The following SIPA1L3 variants were observed in gnomAD, a reference collection of about 807,000 sequenced individuals.
SIPA1L3 encodes the protein signal induced proliferation associated 1 like 3.
In SIPA1L3, 59 loss-of-function variants were observed where a neutral mutation model predicts 150.1. The observed-to-expected ratio is 0.39, with a 90% CI of 0.32 to 0.49. The LOEUF is 0.49. Among genes scored for constraint, SIPA1L3 ranks in the 20% least tolerant of loss-of-function variants. The pLI is 0.86. For synonymous variants in SIPA1L3, 1,070 were observed against 1,077.6 expected, an observed-to-expected ratio of 0.99 and a Z score of 0.14; for missense variants, 2,211 against 2,489.5, an observed-to-expected ratio of 0.89 and a Z score of 2.38.
rs371938490 is a variant in SIPA1L3, at chr19:38,106,621, C to G, written c.2114C>G (p.Thr705Ser). The G allele has an allele frequency of 1.5e-5, 24 of 1,612,334 alleles. No individual in the cohort carries two copies. Among genetic ancestry groups the G allele is most frequent in the Non-Finnish European group, 1.7e-5 (20 of 1,178,518 alleles). ...CATGTCTCCACCCTGCTCCCTTACA[C>G]CCCCAACAACAGGCAGCAGGTCAGT... ...MFHVSTLLPY[T>S]PNNRQQLLRK... The change falls in exon 7 of 22, where the codon ACC (threonine) becomes AGC (serine). Residue 705 changes from threonine to serine, a missense_variant. Transcript: ENST00000222345.
intron 2 of SIPA1L3, among the ~76,000 whole-genome samples, chr19:38,060,887 T>G (rs1210919607): frequency 6.6e-6 from 1 of 152,168 alleles, no homozygotes; most frequent in African/African-American, 2.4e-5. Flanking sequence ...AGACGGGATT[T>G]CATCATGTTG....
At chr19:37,945,283 G>A (rs927687611) in intron 1 of SIPA1L3, among the ~76,000 whole-genome samples, 6 of 151,748 alleles carry the variant, frequency 4.0e-5, no homozygotes, top group African/African-American at 1.2e-4. Context: ...CATCCAGGCT[G>A]GAGTGCAGTG....
At chr19:38,193,390 G>A in intron 17 of SIPA1L3, 147 bp from the exon 18 acceptor site, 1 of 890,744 alleles carries the variant, frequency 1.1e-6, no homozygotes, top group Non-Finnish European at 1.5e-6. Flanking sequence ...AGGAAGGGAG[G>A]GAGGGAGGAA....
chr19:37,920,876 C>T (rs1024128386), intron 1 of SIPA1L3, among the ~76,000 whole-genome samples: 3 of 152,238 alleles, frequency 2.0e-5, no homozygotes, highest in African/African-American at 7.2e-5. Context: ...AGTCAGTTTA[C>T]TGAGGTCCCT....
At chr19:38,102,230 A>C (rs1970520420) in intron 6 of SIPA1L3, among the ~76,000 whole-genome samples, 1 of 150,646 alleles carries the variant, frequency 6.6e-6, no homozygotes, top group African/African-American at 2.4e-5. Context: ...TATTTTTAGT[A>C]GAGATGGGGA....
intron 1 of SIPA1L3, among the ~76,000 whole-genome samples, chr19:37,908,359 C>T (rs1459961051): frequency 6.6e-6 from 1 of 152,176 alleles, no homozygotes; most frequent in Non-Finnish European, 1.5e-5. Context: ...CACTAAGTAG[C>T]AGCTCTTATG....
At chr19:38,024,034 G>A (rs1968445583) in intron 1 of SIPA1L3, among the ~76,000 whole-genome samples, 1 of 152,122 alleles carries the variant, frequency 6.6e-6, no homozygotes, top group Admixed American at 6.5e-5. Flanking sequence ...GGGTGGACGA[G>A]GTAAAGGGGA....
At chr19:38,112,283 CATATGCACACAT>C (rs1277425667) in intron 8 of SIPA1L3, among the ~76,000 whole-genome samples, 2 of 151,958 alleles carry the variant, frequency 1.3e-5, no homozygotes, top group Non-Finnish European at 2.9e-5. Context: ...TATGCACACA[CATATGCACACAT>C]ACATGCACAC....
chr19:38,175,700 C>T (rs553378980), intron 15 of SIPA1L3, among the ~76,000 whole-genome samples: 20 of 152,222 alleles, frequency 1.3e-4, no homozygotes, highest in Non-Finnish European at 2.1e-4. Flanking sequence ...CATAGGATCT[C>T]GTGAGGCAGG....
At position 38,119,789 on chromosome 19, in the gene SIPA1L3, A is replaced by G. The variant is rs772471576; in HGVS notation, c.2775A>G (p.Thr925=). The change falls in exon 9 of 22, where the codon ACA becomes ACG. Residue 925 remains threonine (T), a synonymous_variant. Transcript: ENST00000222345. ...TTGGCTGGACTCCAGACTCCTCCAC[A>G]CTCAAAATCTTCTATGGACGAGGAG... The part of the protein sequence containing the change: ...DVIGWTPDSS[T]LKIFYGRGDH... 5.6e-6 allele frequency: 9 copies of G among 1,613,790 alleles called. No individual in the cohort carries two copies. The highest frequency in any genetic ancestry group is 1.7e-4 in the Middle Eastern group (1 of 6,060).
At chr19:38,001,638 GCT>G (rs1194055442) in intron 1 of SIPA1L3, among the ~76,000 whole-genome samples, 1 of 152,150 alleles carries the variant, frequency 6.6e-6, no homozygotes, top group Non-Finnish European at 1.5e-5. Flanking sequence ...TGTTGCCCAG[GCT>G]GGTCTCAAAT....
Position 38,110,235 on chromosome 19 carries a change from G to C in SIPA1L3, c.2142G>C (p.Arg714=). The C allele has an allele frequency of 6.2e-7, 1 of 1,614,072 alleles. No individual in the cohort carries two copies. ...CTGTTGCCCTTTCCCAGCTGCTACGGAAGAGGCACATAGGAAATGACATCG... is the reference window on the plus strand; with the variant it reads ...CTGTTGCCCTTTCCCAGCTGCTACGCAAGAGGCACATAGGAAATGACATCG... ...YTPNNRQQLL[R]KRHIGNDIVT... Residue 714 remains arginine, a synonymous_variant, in exon 8 of 22, where the codon CGG becomes CGC. Transcript: ENST00000222345.
At chr19:37,989,603 G>T (rs1205455339) in intron 1 of SIPA1L3, among the ~76,000 whole-genome samples, 2 of 151,624 alleles carry the variant, frequency 1.3e-5, no homozygotes, top group African/African-American at 4.9e-5. Flanking sequence ...ACTGCCCAAG[G>T]TCTCCCTCTG....
At chr19:38,128,495 A>G (rs1270698978) in intron 9 of SIPA1L3, among the ~76,000 whole-genome samples, 1 of 152,224 alleles carries the variant, frequency 6.6e-6, no homozygotes, top group Non-Finnish European at 1.5e-5. Flanking sequence ...ATTGCAAGGA[A>G]TATTTGTGTC....
chr19:38,010,058 C>T (rs542964917), intron 1 of SIPA1L3, among the ~76,000 whole-genome samples: 9 of 152,206 alleles, frequency 5.9e-5, no homozygotes, highest in Admixed American at 2.0e-4. Flanking sequence ...CTTATACTGA[C>T]GTCTATAACC....
At chr19:38,094,245 G>A (rs1032933675) in intron 4 of SIPA1L3, among the ~76,000 whole-genome samples, 2 of 152,198 alleles carry the variant, frequency 1.3e-5, no homozygotes, top group Admixed American at 1.3e-4. Flanking sequence ...GTGTGTCTGT[G>A]TGTATTTGCT....
intron 2 of SIPA1L3, among the ~76,000 whole-genome samples, chr19:38,060,833 A>AG (rs959929787): frequency 1.3e-5 from 2 of 152,110 alleles, no homozygotes; most frequent in Non-Finnish European, 2.9e-5. Flanking sequence ...CTGGGATTAC[A>AG]GGGGTGTGCC....
intron 9 of SIPA1L3, among the ~76,000 whole-genome samples, chr19:38,120,501 A>T (rs1211187041): frequency 6.6e-6 from 1 of 152,172 alleles, no homozygotes; most frequent in Non-Finnish European, 1.5e-5. Flanking sequence ...GAAGTGTAAG[A>T]GTACTTTCTA....
At chr19:38,150,959 C>T (rs1262131589) in intron 12 of SIPA1L3, among the ~76,000 whole-genome samples, 1 of 152,164 alleles carries the variant, frequency 6.6e-6, no homozygotes, top group Non-Finnish European at 1.5e-5. Flanking sequence ...AATTTGTTAT[C>T]TCACAGAAAA....
Sources: gnomAD v4.1 joint callset for allele counts (sites outside exome capture counted in the v4.1 genomes callset) on GRCh38, gnomAD v4.1.1 for gene constraint, MANE v1.5 for transcripts, NCBI Gene and HGNC (gene_info 2026-07-23, HGNC 2026-07-21) for gene names.